ZFHX3: variants seen among roughly 807,000 people sequenced by gnomAD.
ZFHX3 encodes the protein zinc finger homeobox 3.
In ZFHX3, 42 loss-of-function variants were observed where a neutral mutation model predicts 279.1. The ratio of observed to expected loss-of-function variants is 0.15; its 90% CI spans 0.12 to 0.19. The LOEUF (loss-of-function observed/expected upper bound fraction) is 0.19, where lower values mean the gene tolerates loss of function less well. Among genes scored for constraint, ZFHX3 ranks in the 10% least tolerant of loss-of-function variants. The pLI is 1.00. For synonymous variants in ZFHX3, 2,293 were observed against 1,957.8 expected (o/e 1.17, Z -4.52); for missense variants, 4,981 against 4,754.0 (o/e 1.05, Z -1.40).
intron 1 of ZFHX3, among the ~76,000 whole-genome samples, chr16:73,850,154 G>T (rs1458491625): frequency 6.6e-6 from 1 of 152,166 alleles, no homozygotes; most frequent in Non-Finnish European, 1.5e-5. Context: ...TACCATCCTG[G>T]TGATAAATAA....
intron 6 of ZFHX3, among the ~76,000 whole-genome samples, chr16:73,136,725 C>CAAAA (rs397855836): frequency 7.0e-4 from 29 of 41,636 alleles, no homozygotes; most frequent in African/African-American, 1.2e-3. Context: ...GACTCTGCCT[C>CAAAA]AAAAAAAAAA....
intron 5 of ZFHX3, among the ~76,000 whole-genome samples, chr16:73,174,863 CA>C (rs34447211): frequency 0.44 from 38,237 of 86,846 alleles, 6,215 homozygotes; most frequent in Admixed American, 0.48. Context: ...ACTAAAAATA[CA>C]AAAAAAAAAA....
Position 72,787,732 on chromosome 16 carries a change from C to A in ZFHX3, c.10544G>T (p.Gly3515Val). ...GCCGCCGCCGCCACCGCCGCCGCCG[C>A]CGCCACTGCCACCGCCGCCGCCGCC... ...PTGGGGGGSG[G>V]GGGGGGGGGG... Residue 3515 changes from glycine to valine, a missense_variant, in exon 10 of 10, where the codon GGC becomes GTC. Gly to Val is a moderately radical substitution (Grantham distance 109, BLOSUM62 -3). This residue lies in a region of ZFHX3 where 1,034 missense variants were observed against 786.0 expected (regional missense o/e 1.32). Coordinates refer to ENST00000268489, the MANE Select transcript of ZFHX3 (RefSeq NM_006885.4). The A allele has an allele frequency of 7.1e-7, 1 of 1,399,070 alleles. No individual in the cohort carries two copies. The highest frequency in any genetic ancestry group is 9.3e-7 in the Non-Finnish European group (1 of 1,071,946). The allele number at this position is 1,399,070 out of a possible 1,614,324, so 86.7% of individuals were successfully genotyped here. A position where few individuals can be genotyped will look rare whatever the true frequency, so the allele number is the denominator to read the frequency against.
chr16:73,482,402 G>A lies in ZFHX3; in HGVS notation c.-1546-26144C>T, dbSNP rs572087289. ...ATCCCAGCCCAGAAAATGGCATCAC[G>A]TGTGAGGATCGGCCCTTCACATCCC... On this transcript the variant is annotated intron_variant, in intron 2 of 17. Transcript: ENST00000641206. 7.4e-4 allele frequency among the ~76,000 whole-genome samples: 112 copies of A among 152,216 alleles called. 2 individuals carry two copies. The South Asian group carries it at 0.022, about 30-fold the overall frequency.
At chr16:73,526,897 C>A (rs1339097831) in intron 2 of ZFHX3, among the ~76,000 whole-genome samples, 1 of 151,508 alleles carries the variant, frequency 6.6e-6, no homozygotes, top group African/African-American at 2.4e-5. Context: ...GTATTCGGTA[C>A]CTCTTTGATT....
intron 2 of ZFHX3, among the ~76,000 whole-genome samples, chr16:73,568,085 C>T (rs1348357703): frequency 6.6e-6 from 1 of 152,138 alleles, no homozygotes; most frequent in African/African-American, 2.4e-5. Flanking sequence ...TTCAAAGCAC[C>T]GCAGAAAGTA....
chr16:73,579,336 A>G (rs1458677543), intron 2 of ZFHX3, among the ~76,000 whole-genome samples: 7 of 152,088 alleles, frequency 4.6e-5, no homozygotes, highest in Non-Finnish European at 8.8e-5. Context: ...CACCCTGGGC[A>G]CATGTCATCA....
intron 1 of ZFHX3, among the ~76,000 whole-genome samples, chr16:73,814,389 G>T (rs995188446): frequency 2.6e-5 from 4 of 151,588 alleles, no homozygotes. Context: ...ACAGCTTTCA[G>T]ATGGTGGAGA....
intron 2 of ZFHX3, among the ~76,000 whole-genome samples, chr16:73,556,130 T>G (rs77908669): frequency 2.3e-3 from 349 of 152,316 alleles, no homozygotes; most frequent in African/African-American, 7.9e-3. Context: ...TGTGCGGCCT[T>G]AATTGGACCT....
intron 4 of ZFHX3, among the ~76,000 whole-genome samples, chr16:72,831,307 G>A (rs528447086): frequency 2.6e-5 from 4 of 152,254 alleles, no homozygotes; most frequent in South Asian, 4.2e-4. Context: ...GTCACGGAAC[G>A]TTCTTTCTTC....
intron 4 of ZFHX3, among the ~76,000 whole-genome samples, chr16:73,283,340 C>T (rs761180136): frequency 6.6e-6 from 1 of 152,196 alleles, no homozygotes; most frequent in Non-Finnish European, 1.5e-5. Flanking sequence ...TGACCATCCC[C>T]AGGGACACGT....
chr16:72,798,513 T>C lies in ZFHX3; in HGVS notation c.4169A>G (p.Gln1390Arg). ...HFNEVHAKRP[Q>R]LPVSDRHVYK... is the part of the protein sequence containing the mutation. ...CACATGGCGATCTGACACCGGCAGC[T>C]GAGGCCTCTTGGCATGCACTTCATT... Residue 1390 changes from glutamine to arginine, a missense_variant, in exon 9 of 10, where the codon CAG becomes CGG. Gln to Arg is a conservative substitution (Grantham distance 43). Coordinates refer to ENST00000268489, the MANE Select transcript of ZFHX3 (RefSeq NM_006885.4). 3 of 1,614,234 alleles carry C rather than the reference T, an allele frequency of 1.9e-6. No homozygotes were observed. Among genetic ancestry groups the C allele is most frequent in the Non-Finnish European group, 2.5e-6 (3 of 1,180,038 alleles).
intron 4 of ZFHX3, among the ~76,000 whole-genome samples, chr16:73,278,901 T>G (rs1178090883): frequency 6.6e-6 from 1 of 152,184 alleles, no homozygotes; most frequent in Non-Finnish European, 1.5e-5. Flanking sequence ...AGAAAAGTTC[T>G]CCAAGTCCCC....
chr16:73,635,013 T>C (rs1356111542), intron 2 of ZFHX3, among the ~76,000 whole-genome samples: 1 of 152,202 alleles, frequency 6.6e-6, no homozygotes, highest in East Asian at 1.9e-4. Context: ...AATTATTTCC[T>C]TTATGATGTT....
At chr16:73,486,500 A>G (rs545099757) in intron 2 of ZFHX3, among the ~76,000 whole-genome samples, 2 of 152,250 alleles carry the variant, frequency 1.3e-5, no homozygotes, top group Non-Finnish European at 2.9e-5. Context: ...CTCCACCAGT[A>G]ACAGTATCAC....
At chr16:73,784,891 TC>T (rs1296861997) in intron 1 of ZFHX3, among the ~76,000 whole-genome samples, 3 of 150,844 alleles carry the variant, frequency 2.0e-5, no homozygotes, top group Non-Finnish European at 4.4e-5. Flanking sequence ...GGAATAGTGG[TC>T]CCATGCTTCA....
intron 4 of ZFHX3, among the ~76,000 whole-genome samples, chr16:73,296,480 T>C (rs1017899203): frequency 6.6e-6 from 1 of 152,332 alleles, no homozygotes; most frequent in East Asian, 1.9e-4. Flanking sequence ...ATAATCTATG[T>C]GAATACAATT....
chr16:73,519,496 T>C (rs1449354220), intron 2 of ZFHX3, among the ~76,000 whole-genome samples: 1 of 152,174 alleles, frequency 6.6e-6, no homozygotes, highest in African/African-American at 2.4e-5. Flanking sequence ...ATCCATAAGT[T>C]GTCCTACTTT....
intron 7 of ZFHX3, among the ~76,000 whole-genome samples, chr16:73,130,402 C>A (rs1445596303): frequency 6.6e-6 from 1 of 152,168 alleles, no homozygotes; most frequent in African/African-American, 2.4e-5. Context: ...TCTTTACAGA[C>A]AATACCAGGA....
Sources: gnomAD v4.1 joint callset for allele counts (sites outside exome capture counted in the v4.1 genomes callset) on GRCh38, gnomAD v4.1.1 for gene constraint, gnomAD v4.1.1 regional missense constraint, MANE v1.5 for transcripts, NCBI Gene and HGNC (gene_info 2026-07-23, HGNC 2026-07-21) for gene names.